Variants in MYO5B observed in about 807,000 individuals in gnomAD.
The protein encoded by MYO5B is unconventional myosin-Vb.
MYO5B carries 143 observed loss-of-function variants against 229.3 expected under a neutral mutation model. That is an observed-to-expected ratio of 0.62 (90% CI 0.54 to 0.72). MYO5B has a LOEUF of 0.72. MYO5B is among the 30% of genes least tolerant of loss of function. MYO5B has a pLI of 0.00. For missense variants in MYO5B, 2,321 were observed against 2,331.0 expected, an observed-to-expected ratio of 1.00 and a Z score of 0.09; for synonymous variants, 918 against 885.2, an observed-to-expected ratio of 1.04 and a Z score of -0.66.
chr18:49,989,058 C>CCTTA (rs2025901130), intron 7 of MYO5B, among the ~76,000 whole-genome samples: 1 of 152,158 alleles, frequency 6.6e-6, no homozygotes, highest in Admixed American at 6.5e-5. Context: ...TCAGCACAGC[C>CCTTA]CTTAGCACTC....
rs74858793 is a variant in MYO5B at position 50,053,895 on chromosome 18, C to A, written c.138+1373G>T. 9.3e-3 allele frequency among the ~76,000 whole-genome samples: 1,422 copies of A among 152,320 alleles called. 19 individuals are homozygous for A. Among genetic ancestry groups the A allele is most frequent in the African/African-American group, 0.032 (1,316 of 41,558 alleles). On this transcript the variant is annotated intron_variant, in intron 2 of 39. Transcript: ENST00000285039. ...GAGGAAACAGTATCTCCAACCCAAA[C>A]CTTTTCTCCAAGCAATGTCTGTTCT...
rs775966738 is a variant in MYO5B, at chr18:49,839,281, T to A, written c.4715A>T (p.Gln1572Leu). The A allele has an allele frequency of 6.2e-7, 1 of 1,614,012 alleles. No homozygotes were observed. The highest frequency in any genetic ancestry group is 8.5e-7 in the Non-Finnish European group (1 of 1,180,034). ...QYSGDEGFMT[Q>L]NTAKQNEHCL... ...GTGTTCATTCTGCTTTGCAGTGTTC[T>A]GAGTCATGAAGCCCTGCAGAGGGAG... Residue 1572 changes from glutamine (Q) to leucine (L), a missense_variant, in exon 36 of 40, where the codon CAG (glutamine) becomes CTG (leucine). Gln to Leu is a moderately radical substitution (Grantham distance 113, BLOSUM62 -2). This residue lies in a region of MYO5B where 2,113 missense variants were observed against 2,044.7 expected (regional missense o/e 1.03). Transcript: ENST00000285039.
intron 13 of MYO5B, 64 bp downstream of exon 13, chr18:49,954,249 A>C (rs1394351052): frequency 1.9e-6 from 3 of 1,599,876 alleles, no homozygotes; most frequent in Non-Finnish European, 2.6e-6. Context: ...CTAGGTCTAG[A>C]GCCCATTGAG....
At chr18:49,921,422 G>T (rs1365731485) in intron 17 of MYO5B, among the ~76,000 whole-genome samples, 1 of 152,178 alleles carries the variant, frequency 6.6e-6, no homozygotes, top group Non-Finnish European at 1.5e-5. Flanking sequence ...AGACCTAGGA[G>T]CTGGGTGACG....
In MYO5B at chr18:49,849,577, C is replaced by G; in HGVS notation, c.4305G>C (p.Gln1435His). 1.9e-6 allele frequency: 3 copies of G among 1,611,094 alleles called. No individual in the cohort carries two copies. Among genetic ancestry groups the G allele is most frequent in the Non-Finnish European group, 2.5e-6 (3 of 1,178,322 alleles). The stretch of plus-strand genomic sequence containing the variant: ...CTCACACCCCCCTACCTTCTAGGTC[C>G]TGGGCTTTCTTCATGTAAATCTTCA... ...KQLKIYMKKA[Q>H]DLEAAQALAQ... is the part of the protein sequence containing the mutation. The change falls in exon 32 of 40, where the codon CAG (glutamine) becomes CAC (histidine). Residue 1435 changes from glutamine (Q) to histidine (H), a missense_variant. By Grantham distance (24) the Gln-to-His change is conservative. Transcript: ENST00000285039.
intron 5 of MYO5B, 30 bp from the exon 6 acceptor site, chr18:49,992,461 A>C (rs1251800371): frequency 1.9e-6 from 3 of 1,614,002 alleles, no homozygotes; most frequent in Non-Finnish European, 1.7e-6. Flanking sequence ...AAAGGTATGA[A>C]AAAAAAAGAG....
chr18:50,165,495 G>T (rs2032834424), intron 1 of MYO5B, among the ~76,000 whole-genome samples: 1 of 152,074 alleles, frequency 6.6e-6, no homozygotes, highest in Admixed American at 6.6e-5. Context: ...ATAAAGAAAG[G>T]CCAGGCACAG....
intron 12 of MYO5B, among the ~76,000 whole-genome samples, chr18:49,955,367 G>T (rs1180578450): frequency 6.6e-6 from 1 of 152,164 alleles, no homozygotes; most frequent in East Asian, 1.9e-4. Flanking sequence ...CAATGGGAAG[G>T]TGCTCCCTCC....
intron 1 of MYO5B, among the ~76,000 whole-genome samples, chr18:50,120,960 A>ACCTCCAGCCTGC (rs1336161331): frequency 9.9e-5 from 15 of 152,108 alleles, no homozygotes; most frequent in African/African-American, 2.2e-4. Flanking sequence ...TCTTCTATCC[A>ACCTCCAGCCTGC]CCTCCAGCCT....
intron 17 of MYO5B, among the ~76,000 whole-genome samples, chr18:49,915,221 C>A (rs990563447): frequency 3.9e-5 from 6 of 152,104 alleles, no homozygotes; most frequent in Non-Finnish European, 5.9e-5. Context: ...AAAATATACC[C>A]CTTTAGAGTG....
rs545703747 is a variant in MYO5B at position 50,048,740 on chromosome 18, G to A, written c.138+6528C>T. Among the ~76,000 whole-genome samples, 295 of 152,194 alleles carry A rather than the reference G, an allele frequency of 1.9e-3. 1 individual carries two copies. The highest frequency in any genetic ancestry group is 6.8e-3 in the African/African-American group (283 of 41,528). ...TCCAAAAGGGTTTCAAAAAGAGTGT[G>A]GGCCAGTCATGGTGGCTCATGCCTG... On this transcript the variant is annotated intron_variant, in intron 2 of 39. Transcript: ENST00000285039.
chr18:50,087,675 A>T (rs892646527), intron 1 of MYO5B, among the ~76,000 whole-genome samples: 1 of 152,052 alleles, frequency 6.6e-6, no homozygotes, highest in Non-Finnish European at 1.5e-5. Flanking sequence ...ATCAGTAAAA[A>T]CCTCTAAATA....
chr18:49,850,233 C>T (rs1021031377), intron 31 of MYO5B: 1 of 180,280 alleles, frequency 5.5e-6, no homozygotes, highest in Non-Finnish European at 1.2e-5. Context: ...ATGTCACCTC[C>T]ATCCCAGCTG....
intron 1 of MYO5B, among the ~76,000 whole-genome samples, chr18:50,106,235 T>C (rs2031757630): frequency 6.6e-6 from 1 of 152,190 alleles, no homozygotes; most frequent in African/African-American, 2.4e-5. Flanking sequence ...GCCATCCCTG[T>C]CCAGGTCTCA....
In MYO5B at chr18:49,872,592, G is replaced by A. The variant is rs142807222; in HGVS notation, c.3538-360C>T. Among the ~76,000 whole-genome samples, 442 of 152,246 alleles carry A rather than the reference G, an allele frequency of 2.9e-3. 2 individuals carry two copies. The highest frequency in any genetic ancestry group is 0.01 in the African/African-American group (425 of 41,550). The stretch of plus-strand genomic sequence containing the variant: ...TGAATGTGACCTTATTTGCAAATAG[G>A]GTCTTTGCAGATGTAATCAAGTTAA... On this transcript the variant is annotated intron_variant, in intron 26 of 39. Transcript: ENST00000285039.
intron 1 of MYO5B, among the ~76,000 whole-genome samples, chr18:50,145,513 AAAAAAAAAAAAAAAAAAAAAAAAAAT>A (rs1568123830): frequency 6.3e-5 from 2 of 31,592 alleles, no homozygotes; most frequent in African/African-American, 8.4e-5. Flanking sequence ...AAAAAAAAAA[AAAAAAAAAAAAAAAAAAAAAAAAAAT>A]TTCTCTCAGG....
chr18:50,180,725 T>A (rs1331056830), intron 1 of MYO5B, among the ~76,000 whole-genome samples: 2 of 152,254 alleles, frequency 1.3e-5, no homozygotes, highest in African/African-American at 2.4e-5. Flanking sequence ...TCTGTCTCTA[T>A]GAATTTGACC....
intron 30 of MYO5B, 93 bp downstream of exon 30, chr18:49,856,720 T>A (rs1483716951): frequency 1.0e-5 from 11 of 1,062,724 alleles, no homozygotes; most frequent in Middle Eastern, 2.1e-4. Context: ...TTCCCCGTGC[T>A]CTCGCACCCA....
At chr18:49,933,590 TA>T (rs2025217857) in intron 16 of MYO5B, among the ~76,000 whole-genome samples, 1 of 152,240 alleles carries the variant, frequency 6.6e-6, no homozygotes, top group Admixed American at 6.5e-5. Context: ...TGGCAATGTC[TA>T]AAAACATTTT....
Sources: gnomAD v4.1 joint callset for allele counts (sites outside exome capture counted in the v4.1 genomes callset) on GRCh38, gnomAD v4.1.1 for gene constraint, gnomAD v4.1.1 regional missense constraint, MANE v1.5 for transcripts, NCBI Gene and HGNC (gene_info 2026-07-23, HGNC 2026-07-21) for gene names.